Variants in MAP3K14 observed in about 807,000 individuals in gnomAD.
MAP3K14 encodes the protein NF-kappa-beta-inducing kinase.
MAP3K14 carries 16 observed loss-of-function variants against 99.2 expected under a neutral mutation model. The observed-to-expected ratio is 0.16, with a 90% confidence interval of 0.11 to 0.24. The LOEUF is 0.24. Ranked by LOEUF, MAP3K14 falls within the 10% of genes least tolerant of loss-of-function variation. MAP3K14 has a pLI of 1.00. For missense variants in MAP3K14, 784 were observed against 1,208.7 expected (o/e 0.65, Z 5.21); for synonymous variants, 462 against 492.4 (o/e 0.94, Z 0.82).
At chr17:45,290,952 G>T (rs1286530618) in intron 1 of MAP3K14, 187 bp from the exon 2 acceptor site, 2 of 579,054 alleles carry the variant, frequency 3.5e-6, no homozygotes, top group Non-Finnish European at 6.1e-6. Context: ...ACAGCTACAC[G>T]TTCCACACGG....
rs11574820 is a variant in MAP3K14, at chr17:45,286,819, G to A, written c.764C>T (p.Thr255Met). Reference sequence around the variant, plus strand: ...CAGTCTGCTATAGGGGAAGGGGTGCGTGGGCAGGGGCAGGGGGCCTCCGTC... The same window carrying A: ...CAGTCTGCTATAGGGGAAGGGGTGCATGGGCAGGGGCAGGGGGCCTCCGTC... The part of the protein sequence containing the change: ...PQDGGPLPLP[T>M]HPFPYSRLPH... The change falls in exon 5 of 16, where the codon ACG becomes ATG. Residue 255 changes from threonine to methionine, a missense_variant. Physicochemically the swap from Thr to Met is moderately conservative, Grantham distance 81. Transcript: ENST00000344686. This position sits in a 1 kb window ranked among gnomAD's most constrained non-coding sequence, Gnocchi z 4.1. 2.1e-4 allele frequency: 342 copies of A among 1,613,438 alleles called. 3 individuals carry two copies. In the East Asian group the frequency reaches 7.2e-3, roughly 34 times the overall value.
chr17:45,267,455 T>A lies in MAP3K14; in HGVS notation c.2277A>T (p.Pro759=). The A allele has an allele frequency of 6.2e-7, 1 of 1,610,524 alleles. No homozygotes were observed. Among genetic ancestry groups the A allele is most frequent in the Non-Finnish European group, 8.5e-7 (1 of 1,178,338 alleles). The stretch of plus-strand genomic sequence containing the variant: ...GCTCCGGGACGGTTGCTTTCCGCTC[T>A]GGTGAGCTGGGGTTTCTGGCAGGGG... ...EPAPARNPSS[P]ERKATVPEQE... Residue 759 remains proline (P), a synonymous_variant, in exon 12 of 16, where the codon CCA becomes CCT. Coordinates refer to ENST00000344686, the MANE Select transcript of MAP3K14 (RefSeq NM_003954.5). The surrounding 1 kb of genome is among the most constrained non-coding windows in gnomAD (Gnocchi z 5.1).
Position 45,264,642 on chromosome 17 carries a change from C to T in MAP3K14, c.2838G>A (p.Arg946=), listed in dbSNP as rs938668071. ...CCGGCGGTGGAGGGCAGGGTTAGGG[C>T]CTGTTCTCCAGCTGGCCATGCTTGA... ...WRVKHGQLEN[R]P is the part of the protein sequence containing the mutation. Residue 946 remains arginine (R), a synonymous_variant, in exon 16 of 16, where the codon AGG becomes AGA. Coordinates refer to ENST00000344686, the MANE Select transcript of MAP3K14 (RefSeq NM_003954.5). 1 of 1,578,424 alleles carries T rather than the reference C, an allele frequency of 6.3e-7. No individual in the cohort carries two copies. The highest frequency in any genetic ancestry group is 1.8e-5 in the Admixed American group (1 of 54,666).
Position 45,267,809 on chromosome 17 carries a change from A to C in MAP3K14, c.1973-50T>G, listed in dbSNP as rs747561188. On this transcript the variant is annotated intron_variant, in intron 11 of 15. Transcript: ENST00000344686. The surrounding 1 kb of genome is among the most constrained non-coding windows in gnomAD (Gnocchi z 5.1). ...GAGGGGAAGCGTGCTGTGCACAGACAGCGGTCCAGGCAGGAGCGGCCTCTC... is the reference window on the plus strand; with the variant it reads ...GAGGGGAAGCGTGCTGTGCACAGACCGCGGTCCAGGCAGGAGCGGCCTCTC... 2 of 1,527,674 alleles carry C rather than the reference A, an allele frequency of 1.3e-6. No individual in the cohort carries two copies. Among genetic ancestry groups the C allele is most frequent in the African/African-American group, 2.8e-5 (2 of 72,388 alleles). The allele number at this position is 1,527,674 out of a possible 1,614,324, so 94.6% of individuals were successfully genotyped here. A position where few individuals can be genotyped will look rare whatever the true frequency, so the allele number is the denominator to read the frequency against.
intron 1 of MAP3K14, among the ~76,000 whole-genome samples, chr17:45,294,600 G>A (rs1328799865): frequency 6.6e-6 from 1 of 152,180 alleles, no homozygotes; most frequent in Non-Finnish European, 1.5e-5. Flanking sequence ...CTTCCACTCC[G>A]AGGAAAAGCT....
chr17:45,310,589 C>T (rs371502357), intron 1 of MAP3K14, among the ~76,000 whole-genome samples: 5 of 152,304 alleles, frequency 3.3e-5, no homozygotes, highest in Admixed American at 6.5e-5. Flanking sequence ...AAGAGCCTCT[C>T]ACTGAGAGGA....
At position 45,302,126 on chromosome 17, in the gene MAP3K14, C is replaced by T. The variant is rs115773169; in HGVS notation, c.-20-11361G>A. On this transcript the variant is annotated intron_variant, in intron 1 of 15. Transcript: ENST00000344686. The stretch of plus-strand genomic sequence containing the variant: ...CATTACAGGCATGAGCCACTGCGCC[C>T]GACCTTGGTTCTCATTTTTAACAGA... 1.3e-3 allele frequency among the ~76,000 whole-genome samples: 191 copies of T among 151,512 alleles called. 1 individual carries two copies. The highest frequency in any genetic ancestry group is 4.4e-3 in the African/African-American group (181 of 41,298).
intron 6 of MAP3K14, among the ~76,000 whole-genome samples, chr17:45,274,831 A>G (rs1209879427): frequency 6.6e-6 from 1 of 152,182 alleles, no homozygotes; most frequent in East Asian, 1.9e-4. Context: ...TGTGTGCAAA[A>G]ACAGCCACAT....
chr17:45,315,038 C>T (rs1316084418), intron 1 of MAP3K14, among the ~76,000 whole-genome samples: 1 of 150,654 alleles, frequency 6.6e-6, no homozygotes, highest in African/African-American at 2.5e-5. Flanking sequence ...AAAATCACAA[C>T]AGTTGCCGAG....
At chr17:45,289,334 G>A (rs2044293226) in intron 2 of MAP3K14, 29 bp from the exon 3 acceptor site, 2 of 1,593,534 alleles carry the variant, frequency 1.3e-6, no homozygotes, top group East Asian at 4.5e-5. Context: ...GATTAGCAGA[G>A]AGGAGAAAAA....
chr17:45,315,028 A>C (rs1420335021), intron 1 of MAP3K14, among the ~76,000 whole-genome samples: 1 of 152,226 alleles, frequency 6.6e-6, no homozygotes, highest in South Asian at 2.1e-4. Context: ...AAAAAAAAAA[A>C]AAATCACAAC....
intron 5 of MAP3K14, 59 bp from the exon 6 acceptor site, chr17:45,285,008 G>A: frequency 6.6e-7 from 1 of 1,519,950 alleles, no homozygotes; most frequent in South Asian, 1.2e-5. Flanking sequence ...AGGGCTACAG[G>A]GCTACAGTGA....
rs2143821350 is a variant in MAP3K14, at chr17:45,287,035, G to T, written c.548C>A (p.Ser183Tyr). 6.2e-7 allele frequency: 1 copy of T among 1,611,600 alleles called. No homozygotes were observed. Among genetic ancestry groups the T allele is most frequent in the East Asian group, 2.2e-5 (1 of 44,810 alleles). Reference protein sequence around the residue: ...SCTIPVQEDESPLGAPYVRNT... With the variant: ...SCTIPVQEDEYPLGAPYVRNT... ...TCTAACATATGGGGCGCCGAGTGGA[G>T]ACTCATCCTCCTGCGGGGGGAAACA... Residue 183 changes from serine (S) to tyrosine (Y), a missense_variant, in exon 5 of 16, where the codon TCT becomes TAT. Physicochemically the swap from Ser to Tyr is moderately radical, Grantham distance 144 (BLOSUM62 -2). This residue lies in a region of MAP3K14 where 188 missense variants were observed against 313.0 expected (regional missense o/e 0.60). Transcript: ENST00000344686.
chr17:45,264,645 G>A lies in MAP3K14; in HGVS notation c.2835C>T (p.Asn945=), dbSNP rs2143757078. The A allele has an allele frequency of 6.3e-7, 1 of 1,581,248 alleles. No individual in the cohort carries two copies. Among genetic ancestry groups the A allele is most frequent in the Non-Finnish European group, 8.6e-7 (1 of 1,164,304 alleles). ...GCGGTGGAGGGCAGGGTTAGGGCCT[G>A]TTCTCCAGCTGGCCATGCTTGACCC... The part of the protein sequence containing the change: ...SWRVKHGQLE[N]RP The change falls in exon 16 of 16, where the codon AAC becomes AAT. Residue 945 remains asparagine, a synonymous_variant. Coordinates refer to ENST00000344686, the MANE Select transcript of MAP3K14 (RefSeq NM_003954.5).
At chr17:45,277,863 G>A (rs2044191962) in intron 6 of MAP3K14, among the ~76,000 whole-genome samples, 1 of 152,194 alleles carries the variant, frequency 6.6e-6, no homozygotes, top group Non-Finnish European at 1.5e-5. Flanking sequence ...GTGATTAAAA[G>A]TACTTCAAGG....
At chr17:45,289,354 T>C in intron 2 of MAP3K14, 49 bp from the exon 3 acceptor site, 1 of 1,478,836 alleles carries the variant, frequency 6.8e-7, no homozygotes, top group Non-Finnish European at 9.5e-7. Context: ...AATAGGAATT[T>C]AGCACTTAGG....
intron 1 of MAP3K14, among the ~76,000 whole-genome samples, chr17:45,311,817 C>A (rs2044481954): frequency 6.6e-6 from 1 of 152,210 alleles, no homozygotes; most frequent in South Asian, 2.1e-4. Context: ...CTGCTCTCTG[C>A]CAAGGGATTT....
intron 1 of MAP3K14, among the ~76,000 whole-genome samples, chr17:45,313,659 C>G (rs1263603690): frequency 6.6e-6 from 1 of 152,180 alleles, no homozygotes; most frequent in African/African-American, 2.4e-5. Flanking sequence ...GGAAAATGGG[C>G]ACAAGCACAC....
At chr17:45,282,013 CAA>C (rs1231247774) in intron 6 of MAP3K14, 2 of 152,080 alleles carry the variant, frequency 1.3e-5, no homozygotes, top group African/African-American at 2.4e-5. Flanking sequence ...CCAAAAAAAG[CAA>C]AAGTCTCCAT....
Sources: gnomAD v4.1 joint callset for allele counts (sites outside exome capture counted in the v4.1 genomes callset) on GRCh38, gnomAD v4.1.1 for gene constraint, gnomAD v4.1.1 regional missense constraint, Gnocchi (gnomAD v3.1) non-coding constraint, MANE v1.5 for transcripts, NCBI Gene and HGNC (gene_info 2026-07-23, HGNC 2026-07-21) for gene names.